SCN9A: variants seen among roughly 807,000 people sequenced by gnomAD.
SCN9A encodes the protein sodium channel protein type 9 subunit alpha.
A neutral mutation model predicts 187.0 loss-of-function variants in SCN9A; 131 were observed. That is an observed-to-expected ratio of 0.70 (90% CI 0.61 to 0.81). SCN9A has a LOEUF of 0.81. SCN9A is among the 30% of genes least tolerant of loss of function. The probability of loss-of-function intolerance (pLI) is 0.00; values close to 1 mark genes in which losing one functional copy is unlikely to be tolerated. For synonymous variants in SCN9A, 809 were observed against 808.6 expected (o/e 1.00, Z -0.01); for missense variants, 2,252 against 2,396.6 (o/e 0.94, Z 1.26).
intron 24 of SCN9A, among the ~76,000 whole-genome samples, chr2:166,220,017 A>T (rs1694514660): frequency 6.6e-6 from 1 of 152,196 alleles, no homozygotes; most frequent in Admixed American, 6.5e-5. Context: ...GATGCAAATA[A>T]CTTCATCAAA....
At chr2:166,330,783 T>G (rs1029197990) in intron 1 of SCN9A, among the ~76,000 whole-genome samples, 1 of 152,164 alleles carries the variant, frequency 6.6e-6, no homozygotes, top group African/African-American at 2.4e-5. Context: ...GAGAGTCTAA[T>G]GCCAAGGCTG....
In SCN9A at chr2:166,284,838, A is replaced by T. The variant is rs199823265; in HGVS notation, c.1603-14T>A. Reference sequence around the variant, plus strand: ...GCTGAGTGGTGACTGCAGAAAAATTAAAAAAAACGTGGTTGCTGAAGCACC... The same window carrying T: ...GCTGAGTGGTGACTGCAGAAAAATTTAAAAAAACGTGGTTGCTGAAGCACC... On this transcript the variant is annotated splice_polypyrimidine_tract_variant and intron_variant, in intron 11 of 26. Coordinates refer to ENST00000642356, the MANE Select transcript of SCN9A (RefSeq NM_001365536.1). The T allele has an allele frequency of 9.6e-5, 152 of 1,579,966 alleles. No individual in the cohort carries two copies. The highest frequency in any genetic ancestry group is 6.7e-4 in the Middle Eastern group (4 of 5,936).
chr2:166,306,221 C>T (rs545506688), intron 4 of SCN9A, among the ~76,000 whole-genome samples: 3 of 152,032 alleles, frequency 2.0e-5, no homozygotes, highest in Non-Finnish European at 1.5e-5. Context: ...TAAAAATACA[C>T]CCATATAATT....
chr2:166,204,031 C>A lies in SCN9A; in HGVS notation c.4698G>T (p.Leu1566=), dbSNP rs748170589. 1.9e-6 allele frequency: 3 copies of A among 1,607,760 alleles called. No homozygotes were observed. The highest frequency in any genetic ancestry group is 2.6e-6 in the Non-Finnish European group (3 of 1,174,790). The part of the protein sequence containing the change: ...ILFTGECVLK[L]ISLRHYYFTV... ...TGAAGTAGTAGTGTCTGAGGGAGATCAGTTTTAGCACACATTCTCCAGTGA... is the reference window on the plus strand; with the variant it reads ...TGAAGTAGTAGTGTCTGAGGGAGATAAGTTTTAGCACACATTCTCCAGTGA... The change falls in exon 26 of 27, where the codon CTG becomes CTT. Residue 1566 remains leucine (L), a synonymous_variant. Transcript: ENST00000642356.
chr2:166,337,702 T>C (rs759809047), intron 1 of SCN9A, among the ~76,000 whole-genome samples: 63 of 152,114 alleles, frequency 4.1e-4, no homozygotes, highest in Non-Finnish European at 7.1e-4. Context: ...TTCTAAAGGC[T>C]GAAAAGTGCA....
At chr2:166,284,906 T>A in intron 11 of SCN9A, 82 bp from the exon 12 acceptor site, 1 of 1,398,502 alleles carries the variant, frequency 7.2e-7, no homozygotes, top group Non-Finnish European at 9.5e-7. Context: ...CTGAACCCAC[T>A]GGCCTGAGGG....
chr2:166,277,043 G>A lies in SCN9A; in HGVS notation c.2814C>T (p.Val938=), dbSNP rs373586941. 9.3e-6 allele frequency: 15 copies of A among 1,613,754 alleles called. No homozygotes were observed. The highest frequency in any genetic ancestry group is 4.0e-5 in the African/African-American group (3 of 74,830). Residue 938 remains valine (V), a synonymous_variant, in exon 16 of 27, where the codon GTC becomes GTT. Coordinates refer to ENST00000642356, the MANE Select transcript of SCN9A (RefSeq NM_001365536.1). The part of the protein sequence containing the change: ...WIETMWDCME[V]AGQAMCLIVY... ...CAATAAGGCACATAGCTTGACCAGC[G>A]ACCTCCATACAGTCCCACATGGTCT...
At chr2:166,327,182 T>A (rs1699384911) in intron 1 of SCN9A, among the ~76,000 whole-genome samples, 1 of 152,150 alleles carries the variant, frequency 6.6e-6, no homozygotes, top group South Asian at 2.1e-4. Flanking sequence ...AAACACAAGG[T>A]CTCACTCACT....
intron 1 of SCN9A, among the ~76,000 whole-genome samples, chr2:166,319,868 T>C (rs1699196084): frequency 6.6e-6 from 1 of 152,082 alleles, no homozygotes; most frequent in Non-Finnish European, 1.5e-5. Context: ...TTATCTTACA[T>C]TGAAGGCAGT....
At chr2:166,314,383 T>G (rs1180625142) in intron 1 of SCN9A, among the ~76,000 whole-genome samples, 1 of 152,154 alleles carries the variant, frequency 6.6e-6, no homozygotes, top group African/African-American at 2.4e-5. Flanking sequence ...ATAAGGGATA[T>G]TTCATATACA....
rs772167569 is a variant in SCN9A at position 166,278,245 on chromosome 2, G to A, written c.2412C>T (p.Phe804=). The A allele has an allele frequency of 6.2e-7, 1 of 1,612,512 alleles. No individual in the cohort carries two copies. The highest frequency in any genetic ancestry group is 8.5e-7 in the Non-Finnish European group (1 of 1,179,300). The change falls in exon 15 of 27, where the codon TTC becomes TTT. Residue 804 remains phenylalanine, a synonymous_variant. Transcript: ENST00000642356. ...TGTCAAAAATATTCCAGCCTACTTG[G>A]AAATACTCATATGGATCCATGGCAA... ...KLIAMDPYEY[F]QVGWNIFDSL...
In SCN9A at chr2:166,303,269, G is replaced by T; in HGVS notation, c.722C>A (p.Ser241Ter). 1 of 1,613,474 alleles carries T rather than the reference G, an allele frequency of 6.2e-7. No individual in the cohort carries two copies. The highest frequency in any genetic ancestry group is 1.1e-5 in the South Asian group (1 of 91,010). ...CATGACATCAGAAAGCTTCTTCACT[G>T]ACTGGATCAAAGCCCCTACAATTGT... The part of the protein sequence containing the change: ...LKTIVGALIQ[S>*]VKKLSDVMIL... Residue 241 changes from serine (S) to a stop codon, truncating the protein, a stop_gained, in exon 7 of 27, where the codon TCA becomes TAA. Coordinates refer to ENST00000642356, the MANE Select transcript of SCN9A (RefSeq NM_001365536.1). LOFTEE classifies it high-confidence loss of function.
intron 20 of SCN9A, among the ~76,000 whole-genome samples, chr2:166,234,391 G>C (rs1695222540): frequency 6.6e-6 from 1 of 152,150 alleles, no homozygotes; most frequent in Non-Finnish European, 1.5e-5. Flanking sequence ...GAATAAGTTA[G>C]TGACTGAGAG....
chr2:166,237,253 C>T (rs1048366457), intron 20 of SCN9A, among the ~76,000 whole-genome samples: 2 of 150,882 alleles, frequency 1.3e-5, no homozygotes, highest in Non-Finnish European at 3.0e-5. Context: ...GGTATTGTAC[C>T]GTTAGTTTCT....
At chr2:166,235,213 T>C (rs986090680) in intron 20 of SCN9A, among the ~76,000 whole-genome samples, 5 of 152,138 alleles carry the variant, frequency 3.3e-5, no homozygotes, top group African/African-American at 1.2e-4. Flanking sequence ...CCTAAAATAC[T>C]AATAGGTCTG....
chr2:166,217,266 CAT>C (rs1255582725), intron 24 of SCN9A, among the ~76,000 whole-genome samples: 1 of 151,814 alleles, frequency 6.6e-6, no homozygotes, highest in Non-Finnish European at 1.5e-5. Context: ...TAGAAGAAAA[CAT>C]AAAAGAAAAG....
At chr2:166,298,483 G>T (rs1233996388) in intron 7 of SCN9A, among the ~76,000 whole-genome samples, 3 of 152,116 alleles carry the variant, frequency 2.0e-5, no homozygotes, top group East Asian at 3.9e-4. Context: ...TGAGACAGTG[G>T]GTTAATTTAT....
chr2:166,216,927 C>T (rs1380399907), intron 24 of SCN9A, among the ~76,000 whole-genome samples: 1 of 151,840 alleles, frequency 6.6e-6, no homozygotes. Flanking sequence ...ATGGCCAAAG[C>T]AATCTGAGCA....
intron 1 of SCN9A, among the ~76,000 whole-genome samples, chr2:166,319,556 G>C (rs979660601): frequency 1.3e-5 from 2 of 152,030 alleles, no homozygotes; most frequent in African/African-American, 2.4e-5. Flanking sequence ...TCTTCAAGTA[G>C]CAGAGTTTGA....
Sources: gnomAD v4.1 joint callset for allele counts (sites outside exome capture counted in the v4.1 genomes callset) on GRCh38, gnomAD v4.1.1 for gene constraint, MANE v1.5 for transcripts, NCBI Gene and HGNC (gene_info 2026-07-23, HGNC 2026-07-21) for gene names.